Variants in SLC30A9 observed in about 807,000 individuals in gnomAD.
SLC30A9 encodes the protein proton-coupled zinc antiporter SLC30A9, mitochondrial.
SLC30A9 carries 58 observed loss-of-function variants against 87.5 expected under a neutral mutation model. The observed-to-expected ratio is 0.66, with a 90% confidence interval of 0.54 to 0.82. SLC30A9 has a LOEUF of 0.82. Ranked by LOEUF, SLC30A9 falls within the 40% of genes least tolerant of loss-of-function variation. The probability of loss-of-function intolerance (pLI) is 0.00; values close to 1 mark genes in which losing one functional copy is unlikely to be tolerated. For synonymous variants in SLC30A9, 234 were observed against 233.0 expected (o/e 1.00, Z -0.04); for missense variants, 557 against 679.1 (o/e 0.82, Z 2.00).
At chr4:41,991,470 A>G (rs1714438314) in intron 1 of SLC30A9, among the ~76,000 whole-genome samples, 1 of 152,228 alleles carries the variant, frequency 6.6e-6, no homozygotes, top group Non-Finnish European at 1.5e-5. Flanking sequence ...CCAAAATAAC[A>G]TTGAACTAAT....
intron 2 of SLC30A9, among the ~76,000 whole-genome samples, chr4:42,002,342 G>T (rs1715020198): frequency 6.6e-6 from 1 of 151,886 alleles, no homozygotes; most frequent in Non-Finnish European, 1.5e-5. Context: ...TTTGTGTGAT[G>T]ATGAGGTATG....
At chr4:42,023,249 G>T in intron 5 of SLC30A9, 53 bp from the exon 6 acceptor site, 2 of 1,139,378 alleles carry the variant, frequency 1.8e-6, no homozygotes, top group South Asian at 2.5e-5. Flanking sequence ...TAAATGTGAT[G>T]TCAATAAAGT....
In SLC30A9 at chr4:42,090,314, T is replaced by A. The variant is rs989951887; in HGVS notation, c.*4188T>A. On this transcript the variant is annotated 3_prime_UTR_variant, in exon 18 of 18. Coordinates refer to ENST00000264451, the MANE Select transcript of SLC30A9 (RefSeq NM_006345.4). ...ATATTTGCATGTAAGTTTACTTGCATCCTTAGACTTGGCTTTATGCAAAAA... is the reference window on the plus strand; with the variant it reads ...ATATTTGCATGTAAGTTTACTTGCAACCTTAGACTTGGCTTTATGCAAAAA... The A allele has an allele frequency of 7.2e-5, 11 of 152,238 alleles. No individual in the cohort carries two copies. Among genetic ancestry groups the A allele is most frequent in the Non-Finnish European group, 1.6e-4 (11 of 68,042 alleles). The allele number at this position is 152,238 out of a possible 1,614,324, so 9.4% of individuals were successfully genotyped here.
chr4:41,995,536 A>G (rs1378531954), intron 1 of SLC30A9, among the ~76,000 whole-genome samples: 3 of 152,180 alleles, frequency 2.0e-5, no homozygotes, highest in Admixed American at 6.5e-5. Context: ...GATGGGCTAG[A>G]AAGTAGCCAG....
chr4:42,007,823 G>A (rs1715279308), intron 2 of SLC30A9, among the ~76,000 whole-genome samples: 3 of 27,146 alleles, frequency 1.1e-4, no homozygotes, highest in South Asian at 4.3e-3. Context: ...ATTATCTCTT[G>A]TCTGATTTAC....
Position 42,022,819 on chromosome 4 carries a change from A to G in SLC30A9, c.435-19A>G. The G allele has an allele frequency of 6.8e-7, 1 of 1,475,376 alleles. No homozygotes were observed. The highest frequency in any genetic ancestry group is 9.3e-7 in the Non-Finnish European group (1 of 1,070,064). 91.4% of individuals were successfully genotyped at this position (1,475,376 alleles called of 1,614,324 possible). On this transcript the variant is annotated intron_variant, in intron 4 of 17. Transcript: ENST00000264451. ...ATATGCACTTTGTCTGAATAAATTC[A>G]ACATGTTTCTTTCTCTAGTGATCTA...
At chr4:42,078,350 A>G (rs768013095) in intron 17 of SLC30A9, 25 bp downstream of exon 17, 4 of 1,167,492 alleles carry the variant, frequency 3.4e-6, no homozygotes, top group East Asian at 2.4e-5. Flanking sequence ...TAAAAATAAC[A>G]TAATGATAAT....
intron 6 of SLC30A9, chr4:42,029,626 G>A: frequency 1.4e-6 from 1 of 700,786 alleles, no homozygotes; most frequent in Non-Finnish European, 2.5e-6. Flanking sequence ...AGAACGAGGA[G>A]ACTTTAATCA....
chr4:42,052,831 A>G (rs1006659147), intron 9 of SLC30A9, among the ~76,000 whole-genome samples: 4 of 152,236 alleles, frequency 2.6e-5, no homozygotes, highest in African/African-American at 7.2e-5. Flanking sequence ...CAAAGATTTC[A>G]TAAATAGGAC....
intron 17 of SLC30A9, among the ~76,000 whole-genome samples, chr4:42,083,278 TGGA>T (rs2153141641): frequency 6.6e-6 from 1 of 152,340 alleles, no homozygotes; most frequent in Admixed American, 6.5e-5. Context: ...CTGCAAGTAT[TGGA>T]ATAAAATCCT....
intron 17 of SLC30A9, chr4:42,078,712 C>T (rs1393132266): frequency 6.5e-6 from 1 of 153,178 alleles, no homozygotes; most frequent in African/African-American, 2.4e-5. Flanking sequence ...TTGCTTTTAG[C>T]CCATTTGAAA....
chr4:42,040,580 G>A (rs1006960194), intron 8 of SLC30A9, among the ~76,000 whole-genome samples: 11 of 152,070 alleles, frequency 7.2e-5, no homozygotes, highest in Non-Finnish European at 1.2e-4. Context: ...CTCGTGATCC[G>A]AGGTCAGGAG....
In SLC30A9 at chr4:42,089,644, C is replaced by G. The variant is rs981221597; in HGVS notation, c.*3518C>G. ...GTTGGTCAGGCTGGTCTTGAACTGC[C>G]GACCTCAGGTGATCCGCCCTCCTCG... On this transcript the variant is annotated 3_prime_UTR_variant, in exon 18 of 18. Coordinates refer to ENST00000264451, the MANE Select transcript of SLC30A9 (RefSeq NM_006345.4). 1.3e-5 allele frequency: 2 copies of G among 152,160 alleles called. No individual in the cohort carries two copies. The highest frequency in any genetic ancestry group is 4.8e-5 in the African/African-American group (2 of 41,390). The allele number at this position is 152,160 out of a possible 1,614,324, so 9.4% of individuals were successfully genotyped here.
intron 2 of SLC30A9, among the ~76,000 whole-genome samples, chr4:42,005,144 C>G (rs1390354980): frequency 5.9e-5 from 9 of 151,882 alleles, no homozygotes; most frequent in Non-Finnish European, 1.0e-4. Context: ...CTTTTTTGCT[C>G]TTATTCATGA....
At position 41,992,322 on chromosome 4, in the gene SLC30A9, C is replaced by A. The variant is rs569510723; in HGVS notation, c.109+1562C>A. ...TGCCAGTGCACTCCAGCCTGGGTGA[C>A]AGAGTGAGACCTGTCTCAAAAAAAA... is the stretch of plus-strand genomic sequence containing the variant. On this transcript the variant is annotated intron_variant, in intron 1 of 17. Coordinates refer to ENST00000264451, the MANE Select transcript of SLC30A9 (RefSeq NM_006345.4). 3.4e-5 allele frequency among the ~76,000 whole-genome samples: 5 copies of A among 148,848 alleles called. No homozygotes were observed. In the South Asian group the frequency reaches 1.1e-3, roughly 32 times the overall value.
At position 42,038,988 on chromosome 4, in the gene SLC30A9, A is replaced by G; in HGVS notation, c.672A>G (p.Pro224=). 6.2e-7 allele frequency: 1 copy of G among 1,613,024 alleles called. No homozygotes were observed. Among genetic ancestry groups the G allele is most frequent in the Non-Finnish European group, 8.5e-7 (1 of 1,179,324 alleles). The change falls in exon 8 of 18, where the codon CCA becomes CCG. Residue 224 remains proline (P), a splice_region_variant and synonymous_variant. Coordinates refer to ENST00000264451, the MANE Select transcript of SLC30A9 (RefSeq NM_006345.4). ...EYRDFLGNTK[P]RSRTASVFFK... Reference sequence around the variant, plus strand: ...AAAAAGTTTTTGTTTTTTTACAGCCACGCTCCAGAACAGCATCAGTGTTTT... The same window carrying G: ...AAAAAGTTTTTGTTTTTTTACAGCCGCGCTCCAGAACAGCATCAGTGTTTT...
chr4:42,078,191 C>T (rs781584692), intron 16 of SLC30A9, 21 bp from the exon 17 acceptor site: 1 of 1,223,986 alleles, frequency 8.2e-7, no homozygotes, highest in Non-Finnish European at 1.2e-6. Context: ...ATTTATTTTC[C>T]TGTTTTCATT....
intron 2 of SLC30A9, among the ~76,000 whole-genome samples, chr4:42,011,091 T>C (rs1299423422): frequency 6.6e-6 from 1 of 152,152 alleles, no homozygotes; most frequent in Non-Finnish European, 1.5e-5. Context: ...CTAGTCCATT[T>C]TCATGCTGCT....
chr4:41,997,065 A>AAATAAAT (rs1560532863), intron 1 of SLC30A9, among the ~76,000 whole-genome samples: 8 of 70,220 alleles, frequency 1.1e-4, no homozygotes, highest in East Asian at 1.1e-3. Context: ...AATAAATAAA[A>AAATAAAT]ATGAAAAAGA....
Sources: allele counts gnomAD v4.1 joint callset (sites outside exome capture counted in the v4.1 genomes callset), GRCh38; gene constraint gnomAD v4.1.1; transcripts MANE v1.5; gene names NCBI Gene and HGNC (gene_info 2026-07-23, HGNC 2026-07-21).